The following SEMA3D variants were observed in gnomAD, a reference collection of about 807,000 sequenced individuals.
The protein encoded by SEMA3D is semaphorin 3D.
A neutral mutation model predicts 100.1 loss-of-function variants in SEMA3D; 84 were observed. The ratio of observed to expected loss-of-function variants is 0.84; its 90% CI spans 0.70 to 1.01. The LOEUF (loss-of-function observed/expected upper bound fraction) is 1.01. SEMA3D is among the 50% of genes least tolerant of loss of function. The pLI, the probability that SEMA3D is intolerant of heterozygous loss-of-function variation, is 0.00. For synonymous variants in SEMA3D, 312 were observed against 320.7 expected, an observed-to-expected ratio of 0.97 and a Z score of 0.29; for missense variants, 875 against 934.1, an observed-to-expected ratio of 0.94 and a Z score of 0.82.
At chr7:85,179,926 G>T (rs755780037) in intron 1 of SEMA3D, among the ~76,000 whole-genome samples, 6 of 152,208 alleles carry the variant, frequency 3.9e-5, no homozygotes, top group Non-Finnish European at 8.8e-5. Context: ...CTCCCAAAGT[G>T]CTGGGATTAC....
Position 85,174,882 on chromosome 7 carries a change from T to C in SEMA3D, c.-173+11796A>G, listed in dbSNP as rs560459727. On this transcript the variant is annotated intron_variant, in intron 1 of 18. Transcript: ENST00000284136. ...CAGCAAAACTGTAGACCCATATGCC[T>C]GGTCCACATGGCTAATGCTGGTTTG... Among the ~76,000 whole-genome samples the C allele has an allele frequency of 8.5e-5, 13 of 152,168 alleles. No individual in the cohort carries two copies. In the South Asian group the frequency reaches 2.7e-3, roughly 32 times the overall value.
chr7:85,072,795 A>G (rs1397596052), intron 6 of SEMA3D, among the ~76,000 whole-genome samples, 167 bp downstream of exon 6: 2 of 152,020 alleles, frequency 1.3e-5, no homozygotes, highest in Non-Finnish European at 2.9e-5. Flanking sequence ...GGCTCAAGGG[A>G]CCCTCTGACT....
chr7:85,179,907 T>A (rs901121592), intron 1 of SEMA3D, among the ~76,000 whole-genome samples: 1 of 152,164 alleles, frequency 6.6e-6, no homozygotes, highest in Admixed American at 6.5e-5. Context: ...GTGATCCACC[T>A]GCCTCAGCCT....
intron 8 of SEMA3D, among the ~76,000 whole-genome samples, chr7:85,062,427 T>G (rs1791503650): frequency 6.6e-6 from 1 of 152,062 alleles, no homozygotes; most frequent in African/African-American, 2.4e-5. Context: ...GGTCAACAGA[T>G]ATTTTCAAGG....
At chr7:85,237,357 T>C in the SEMA3D span, among the ~76,000 whole-genome samples, 2 of 152,182 alleles carry the variant, frequency 1.3e-5, no homozygotes, top group Admixed American at 6.5e-5. Context: ...TGGATTTAGA[T>C]CAATGTTATA....
intron 17 of SEMA3D, among the ~76,000 whole-genome samples, chr7:85,012,439 TA>T (rs1338374347): frequency 6.6e-6 from 1 of 151,844 alleles, no homozygotes; most frequent in Non-Finnish European, 1.5e-5. Context: ...TATTTGAGTT[TA>T]CTCTAAATGT....
intron 8 of SEMA3D, among the ~76,000 whole-genome samples, chr7:85,058,997 C>G (rs567550059): frequency 6.6e-6 from 1 of 152,126 alleles, no homozygotes; most frequent in African/African-American, 2.4e-5. Flanking sequence ...CAAGACATGG[C>G]TAAAGAGAAT....
the SEMA3D span, among the ~76,000 whole-genome samples, chr7:85,192,096 C>T: frequency 1.3e-5 from 2 of 152,066 alleles, no homozygotes; most frequent in African/African-American, 2.4e-5. Context: ...TTTTGCCCTA[C>T]TTTACTCAGA....
At chr7:85,055,544 T>A (rs1459569844) in intron 9 of SEMA3D, among the ~76,000 whole-genome samples, 173 bp downstream of exon 9, 1 of 150,018 alleles carries the variant, frequency 6.7e-6, no homozygotes, top group Non-Finnish European at 1.5e-5. Flanking sequence ...TTTTTTACAT[T>A]TGGATCTCAA....
chr7:85,245,428 A>T, the SEMA3D span, among the ~76,000 whole-genome samples: 1 of 152,298 alleles, frequency 6.6e-6, no homozygotes, highest in African/African-American at 2.4e-5. Context: ...GTTTTTAAGA[A>T]CTAGCACTAT....
chr7:85,142,037 G>C (rs1220179150), intron 2 of SEMA3D: 1 of 981,584 alleles, frequency 1.0e-6, no homozygotes, highest in African/African-American at 1.8e-5. Flanking sequence ...CAGCAAAATA[G>C]AAGGTAAGAG....
chr7:85,172,600 C>T (rs952910290), intron 1 of SEMA3D, among the ~76,000 whole-genome samples: 1 of 152,028 alleles, frequency 6.6e-6, no homozygotes, highest in African/African-American at 2.4e-5. Flanking sequence ...TCTGGGTTCT[C>T]CCTAAACTTG....
At chr7:85,015,378 A>G (rs1428655755) in intron 15 of SEMA3D, among the ~76,000 whole-genome samples, 162 bp from the exon 16 acceptor site, 1 of 151,848 alleles carries the variant, frequency 6.6e-6, no homozygotes, top group South Asian at 2.1e-4. Context: ...AAATAAGTCA[A>G]TCATTTCTAT....
chr7:85,099,237 G>A (rs946501529), intron 3 of SEMA3D, among the ~76,000 whole-genome samples: 1 of 151,916 alleles, frequency 6.6e-6, no homozygotes, highest in African/African-American at 2.4e-5. Context: ...TGTTGTGGGA[G>A]GGACCCGGTG....
upstream of SEMA3D, among the ~76,000 whole-genome samples, chr7:85,188,895 A>G (rs1248373501): frequency 2.6e-5 from 4 of 152,174 alleles, no homozygotes; most frequent in Non-Finnish European, 4.4e-5. Flanking sequence ...TTCACTTTAT[A>G]TTATAATTAG....
At chr7:85,129,378 A>G (rs955524371) in intron 2 of SEMA3D, among the ~76,000 whole-genome samples, 3 of 152,080 alleles carry the variant, frequency 2.0e-5, no homozygotes, top group African/African-American at 7.2e-5. Context: ...CACAATCTTC[A>G]TATGTATATT....
At chr7:85,208,585 T>C in the SEMA3D span, among the ~76,000 whole-genome samples, 1 of 152,098 alleles carries the variant, frequency 6.6e-6, no homozygotes, top group Admixed American at 6.6e-5. Flanking sequence ...TTTGTCAAAA[T>C]ATAAATTCAG....
upstream of SEMA3D, among the ~76,000 whole-genome samples, chr7:85,187,777 T>G: frequency 6.6e-6 from 1 of 152,178 alleles, no homozygotes; most frequent in East Asian, 1.9e-4. Flanking sequence ...AATGCAGAAA[T>G]ATCTCACTTC....
intron 12 of SEMA3D, among the ~76,000 whole-genome samples, chr7:85,026,147 T>G (rs1235869129): frequency 6.6e-6 from 1 of 152,010 alleles, no homozygotes; most frequent in Admixed American, 6.6e-5. Context: ...TCCTTTAGTG[T>G]AATCTGTTTT....
Sources: gnomAD v4.1 joint callset for allele counts (sites outside exome capture counted in the v4.1 genomes callset) on GRCh38, gnomAD v4.1.1 for gene constraint, MANE v1.5 for transcripts, NCBI Gene and HGNC (gene_info 2026-07-23, HGNC 2026-07-21) for gene names.